Variants in HDAC8 observed in about 807,000 individuals in gnomAD.
HDAC8 encodes the protein histone deacetylase 8.
Under a neutral mutation model 32.2 loss-of-function variants are expected in HDAC8, and 1 was observed. The observed-to-expected ratio is 0.03, with a 90% CI of 0.01 to 0.15. The LOEUF is 0.15. Ranked by LOEUF, HDAC8 falls within the 10% of genes least tolerant of loss-of-function variation. HDAC8 has a pLI of 1.00. For missense variants in HDAC8, 117 were observed against 300.0 expected, an observed-to-expected ratio of 0.39 and a Z score of 4.51; for synonymous variants, 108 against 113.9, an observed-to-expected ratio of 0.95 and a Z score of 0.33.
chrX:72,369,101 G>T lies in HDAC8; in HGVS notation c.1006-17263C>A, dbSNP rs1157688262. Among the ~76,000 whole-genome samples the T allele has an allele frequency of 4.5e-5, 5 of 110,248 alleles. No homozygotes were observed. In the East Asian group the frequency reaches 1.4e-3, roughly 32 times the overall value. On this transcript the variant is annotated intron_variant, in intron 9 of 10. Coordinates refer to ENST00000373573, the MANE Select transcript of HDAC8 (RefSeq NM_018486.3). ...CGAAAACACGAGTTGGAAAAGTACTGCTCCCCGCCCCCACACCCCTCAACT... is the reference window on the plus strand; with the variant it reads ...CGAAAACACGAGTTGGAAAAGTACTTCTCCCCGCCCCCACACCCCTCAACT...
intron 4 of HDAC8, among the ~76,000 whole-genome samples, chrX:72,556,484 G>A (rs781989382): frequency 2.4e-4 from 27 of 111,415 alleles, no homozygotes; most frequent in Admixed American, 7.6e-4. Flanking sequence ...TTCACCAACC[G>A]AGTTTCTGCT....
chrX:72,401,195 A>G (rs2045892311), intron 9 of HDAC8, among the ~76,000 whole-genome samples: 1 of 111,980 alleles, frequency 8.9e-6, no homozygotes, highest in South Asian at 3.7e-4. Flanking sequence ...TCCCATGGGC[A>G]GTGTATGAGT....
intron 4 of HDAC8, among the ~76,000 whole-genome samples, chrX:72,522,883 C>A (rs1569368061): frequency 8.9e-6 from 1 of 112,116 alleles, no homozygotes; most frequent in Non-Finnish European, 1.9e-5. Context: ...GACAATGCTA[C>A]CCTGCTGTTT....
At chrX:72,549,782 A>T (rs1556065229) in intron 4 of HDAC8, among the ~76,000 whole-genome samples, 1 of 111,730 alleles carries the variant, frequency 9.0e-6, no homozygotes, top group African/African-American at 3.3e-5. Context: ...TATCTATTGT[A>T]TCTACTAAAT....
intron 9 of HDAC8, among the ~76,000 whole-genome samples, chrX:72,364,333 C>T (rs922783714): frequency 9.0e-6 from 1 of 111,410 alleles, no homozygotes; most frequent in Non-Finnish European, 1.9e-5. Context: ...TCTTCTTTCT[C>T]TTTGCAGGAG....
At chrX:72,424,339 G>T (rs1387181262) in intron 9 of HDAC8, among the ~76,000 whole-genome samples, 1 of 111,226 alleles carries the variant, frequency 9.0e-6, no homozygotes, top group Non-Finnish European at 1.9e-5. Flanking sequence ...GGCCCTGTCA[G>T]TCTGGAAAGT....
At chrX:72,559,564 C>T (rs2051435298) in intron 4 of HDAC8, among the ~76,000 whole-genome samples, 1 of 108,413 alleles carries the variant, frequency 9.2e-6, no homozygotes, top group Non-Finnish European at 1.9e-5. Context: ...CTCTGCCCCG[C>T]CGCCCAGTCT....
chrX:72,501,286 G>A (rs1407358072), intron 4 of HDAC8, among the ~76,000 whole-genome samples: 4 of 111,465 alleles, frequency 3.6e-5, no homozygotes, highest in African/African-American at 1.3e-4. Flanking sequence ...AATTCATATG[G>A]AACCAAAAAA....
chrX:72,532,934 G>C (rs2050398143), intron 4 of HDAC8, among the ~76,000 whole-genome samples: 1 of 111,696 alleles, frequency 9.0e-6, no homozygotes. Flanking sequence ...TATCTAAGAA[G>C]CCTAACCCAG....
At chrX:72,445,517 T>C (rs2047358249) in intron 9 of HDAC8, among the ~76,000 whole-genome samples, 1 of 111,941 alleles carries the variant, frequency 8.9e-6, no homozygotes, top group Non-Finnish European at 1.9e-5. Flanking sequence ...CCTTACACCT[T>C]ATACAAAAAT....
chrX:72,351,692 G>C, intron 10 of HDAC8, 41 bp downstream of exon 10: 6 of 995,932 alleles, frequency 6.0e-6, no homozygotes, highest in Non-Finnish European at 8.5e-6. Flanking sequence ...ACCACAAACT[G>C]GGTGGAACAA....
At chrX:72,569,400 C>T (rs2051926456) in intron 2 of HDAC8, among the ~76,000 whole-genome samples, 1 of 112,104 alleles carries the variant, frequency 8.9e-6, no homozygotes, top group African/African-American at 3.3e-5. Context: ...TCAGATAAGT[C>T]AACTGTTCTG....
intron 4 of HDAC8, among the ~76,000 whole-genome samples, chrX:72,498,260 T>C (rs1421456690): frequency 9.1e-6 from 1 of 109,814 alleles, no homozygotes; most frequent in Non-Finnish European, 1.9e-5. Flanking sequence ...TATTGAGGAG[T>C]TGCATGGGAA....
intron 9 of HDAC8, among the ~76,000 whole-genome samples, chrX:72,360,600 T>A (rs1266757626): frequency 3.6e-5 from 4 of 111,709 alleles, no homozygotes; most frequent in Non-Finnish European, 7.5e-5. Context: ...AGAGCATTTC[T>A]TGTCCTGAAT....
chrX:72,349,524 T>C (rs782410028), intron 10 of HDAC8, among the ~76,000 whole-genome samples: 12 of 112,499 alleles, frequency 1.1e-4, no homozygotes, highest in Non-Finnish European at 2.3e-4. Context: ...CAGTTTGATT[T>C]CATTGGGTTA....
chrX:72,388,109 G>T (rs2045500777), intron 9 of HDAC8, among the ~76,000 whole-genome samples: 1 of 110,350 alleles, frequency 9.1e-6, no homozygotes, highest in South Asian at 3.9e-4. Flanking sequence ...TAGGGCAGGA[G>T]TAGGGATAGC....
chrX:72,411,428 C>T (rs2046194857), intron 9 of HDAC8, among the ~76,000 whole-genome samples: 2 of 112,034 alleles, frequency 1.8e-5, no homozygotes, highest in African/African-American at 6.5e-5. Context: ...AGTTGACACC[C>T]TCAGAGGGGG....
rs782017729 is a variant in HDAC8, at chrX:72,483,692, C to G, written c.737+5241G>C. Among the ~76,000 whole-genome samples the G allele has an allele frequency of 1.1e-4, 12 of 111,908 alleles. No homozygotes were observed. In the South Asian group the frequency reaches 4.5e-3, roughly 42 times the overall value. On this transcript the variant is annotated intron_variant, in intron 7 of 10. Coordinates refer to ENST00000373573, the MANE Select transcript of HDAC8 (RefSeq NM_018486.3). ...GGAAGGTCAGAGTGGCTTCAGAGAG[C>G]TGAATTTTGGCCCCAGACCCCAGGA...
At chrX:72,418,370 A>G (rs915292445) in intron 9 of HDAC8, among the ~76,000 whole-genome samples, 6 of 112,025 alleles carry the variant, frequency 5.4e-5, no homozygotes, top group African/African-American at 1.6e-4. Context: ...AAAAGTGGGC[A>G]GAGACATGAA....
Sources: allele counts gnomAD v4.1 joint callset (sites outside exome capture counted in the v4.1 genomes callset), GRCh38; gene constraint gnomAD v4.1.1; transcripts MANE v1.5; gene names NCBI Gene and HGNC (gene_info 2026-07-23, HGNC 2026-07-21).